The following ERBB4 variants were observed in gnomAD, a reference collection of about 807,000 sequenced individuals.
The protein encoded by ERBB4 is erb-b2 receptor tyrosine kinase 4, also known as receptor tyrosine-protein kinase erbB-4.
ERBB4 carries 42 observed loss-of-function variants against 158.0 expected under a neutral mutation model. That is an observed-to-expected ratio of 0.27 (90% CI 0.21 to 0.34). The LOEUF (loss-of-function observed/expected upper bound fraction) is 0.34. ERBB4 is among the 10% of genes least tolerant of loss of function. The pLI is 1.00. For missense variants in ERBB4, 1,333 were observed against 1,624.1 expected, an observed-to-expected ratio of 0.82 and a Z score of 3.08; for synonymous variants, 583 against 558.7, an observed-to-expected ratio of 1.04 and a Z score of -0.61.
chr2:212,257,494 CA>C (rs1364416103), intron 1 of ERBB4, among the ~76,000 whole-genome samples: 8 of 151,952 alleles, frequency 5.3e-5, no homozygotes, highest in Non-Finnish European at 1.2e-4. Flanking sequence ...ATTTTAGAAA[CA>C]AAACTTCAAC....
chr2:211,995,930 TA>T (rs1009332063), intron 2 of ERBB4, among the ~76,000 whole-genome samples: 2 of 152,178 alleles, frequency 1.3e-5, no homozygotes, highest in African/African-American at 4.8e-5. Flanking sequence ...TGAAGGAAGC[TA>T]AAAAAGTGTT....
At chr2:212,339,707 G>A (rs1468762271) in intron 1 of ERBB4, among the ~76,000 whole-genome samples, 1 of 151,940 alleles carries the variant, frequency 6.6e-6, no homozygotes. Flanking sequence ...AAATAACAGG[G>A]GAGAGCAAAT....
chr2:212,364,933 G>T (rs2089830480), intron 1 of ERBB4, among the ~76,000 whole-genome samples: 1 of 150,440 alleles, frequency 6.6e-6, no homozygotes, highest in Non-Finnish European at 1.5e-5. Context: ...GTGTGTGTGT[G>T]TGTGTTTATC....
rs965793292 is a variant in ERBB4, at chr2:211,378,171, A to G, written c.*5444T>C. On this transcript the variant is annotated 3_prime_UTR_variant, in exon 28 of 28. Transcript: ENST00000342788. The stretch of plus-strand genomic sequence containing the variant: ...AGGATTCTATTTTCCTCTAAAGGTC[A>G]GAGAGAAATACATTTTTCTTTGATT... The G allele has an allele frequency of 1.7e-5, 4 of 233,064 alleles. No homozygotes were observed. Among genetic ancestry groups the G allele is most frequent in the Non-Finnish European group, 2.5e-5 (3 of 117,698 alleles). The allele number at this position is 233,064 out of a possible 1,614,324, so 14.4% of individuals were successfully genotyped here.
At chr2:211,580,866 CATATATATAT>C (rs56892079) in intron 19 of ERBB4, among the ~76,000 whole-genome samples, 23 of 64,154 alleles carry the variant, frequency 3.6e-4, no homozygotes, top group East Asian at 1.7e-3. Context: ...TATGCATATA[CATATATATAT>C]ATATATATAT....
chr2:211,636,550 C>T (rs992680527), intron 16 of ERBB4, among the ~76,000 whole-genome samples: 5 of 151,836 alleles, frequency 3.3e-5, no homozygotes, highest in Non-Finnish European at 7.4e-5. Flanking sequence ...TTATTCATCC[C>T]ATTTTGGCCA....
intron 20 of ERBB4, among the ~76,000 whole-genome samples, chr2:211,436,172 C>T (rs1284663054): frequency 3.3e-5 from 5 of 152,150 alleles, no homozygotes; most frequent in African/African-American, 1.2e-4. Context: ...CAGAAAAAAA[C>T]TATTATCTGG....
chr2:212,355,442 G>A (rs2089428101), intron 1 of ERBB4, among the ~76,000 whole-genome samples: 1 of 152,020 alleles, frequency 6.6e-6, no homozygotes, highest in South Asian at 2.1e-4. Flanking sequence ...CAAACCTACT[G>A]AAGTCTTTAA....
intron 1 of ERBB4, among the ~76,000 whole-genome samples, chr2:212,202,188 G>T (rs140280369): frequency 3.9e-4 from 59 of 152,090 alleles, no homozygotes; most frequent in African/African-American, 1.2e-3. Context: ...TATTTAAAAT[G>T]GTGGTGCGAA....
intron 1 of ERBB4, among the ~76,000 whole-genome samples, chr2:212,160,192 A>T (rs1403249493): frequency 6.6e-6 from 1 of 151,980 alleles, no homozygotes; most frequent in African/African-American, 2.4e-5. Flanking sequence ...GACAAGAACC[A>T]ATTAGTGTCA....
chr2:212,179,245 T>C (rs961028973), intron 1 of ERBB4, among the ~76,000 whole-genome samples: 7 of 151,578 alleles, frequency 4.6e-5, no homozygotes, highest in Non-Finnish European at 8.9e-5. Context: ...GAGAGCTACC[T>C]GATGACTCTT....
chr2:211,709,256 T>TATATATATATATATATACAC (rs1215802851), intron 9 of ERBB4, among the ~76,000 whole-genome samples: 1 of 71,168 alleles, frequency 1.4e-5, no homozygotes, highest in Non-Finnish European at 2.6e-5. Flanking sequence ...TATATACACA[T>TATATATATATATATATACAC]ATATATATAT....
chr2:211,715,244 G>A (rs1361380208), intron 7 of ERBB4, among the ~76,000 whole-genome samples: 1 of 152,136 alleles, frequency 6.6e-6, no homozygotes, highest in East Asian at 1.9e-4. Context: ...AGAATCCATG[G>A]GAGTGGGTAC....
At chr2:211,618,887 C>T (rs570363877) in intron 19 of ERBB4, among the ~76,000 whole-genome samples, 2 of 152,126 alleles carry the variant, frequency 1.3e-5, no homozygotes, top group South Asian at 4.2e-4. Flanking sequence ...AATTTAAGAA[C>T]ATTACATGTC....
chr2:211,554,592 GTC>G, intron 20 of ERBB4, among the ~76,000 whole-genome samples: 1 of 152,334 alleles, frequency 6.6e-6, no homozygotes, highest in African/African-American at 2.4e-5. Context: ...CACAGGTACT[GTC>G]TGCCTGTTGT....
chr2:212,257,285 A>T (rs2084773600), intron 1 of ERBB4, among the ~76,000 whole-genome samples: 1 of 152,172 alleles, frequency 6.6e-6, no homozygotes, highest in Non-Finnish European at 1.5e-5. Context: ...TTTAGGTGAT[A>T]TGGAATCTTA....
chr2:211,503,857 G>C (rs902850032), intron 20 of ERBB4, among the ~76,000 whole-genome samples: 35 of 152,132 alleles, frequency 2.3e-4, no homozygotes, highest in Non-Finnish European at 5.0e-4. Flanking sequence ...AGACCCCTGT[G>C]AAGGCCAGTG....
At chr2:211,750,825 G>A (rs1429548387) in intron 4 of ERBB4, 121 bp from the exon 5 acceptor site, 4 of 864,212 alleles carry the variant, frequency 4.6e-6, no homozygotes, top group Admixed American at 2.0e-5. Flanking sequence ...TCATACTAGA[G>A]CTGAAACATA....
intron 20 of ERBB4, among the ~76,000 whole-genome samples, chr2:211,465,013 C>T (rs1443244752): frequency 1.4e-5 from 2 of 147,656 alleles, no homozygotes; most frequent in Admixed American, 6.8e-5. Context: ...AGGTCTTCCT[C>T]TGCTACCCAG....
Sources: allele counts gnomAD v4.1 joint callset (sites outside exome capture counted in the v4.1 genomes callset), GRCh38; gene constraint gnomAD v4.1.1; transcripts MANE v1.5; gene names NCBI Gene and HGNC (gene_info 2026-07-23, HGNC 2026-07-21).